The following TSPAN13 variants were observed in gnomAD, a reference collection of about 807,000 sequenced individuals.
The protein encoded by TSPAN13 is tetraspanin 13, also known as tetraspanin-13.
A neutral mutation model predicts 26.9 loss-of-function variants in TSPAN13; 18 were observed. The observed-to-expected ratio is 0.67, with a 90% CI of 0.46 to 0.99. The LOEUF is 0.99. TSPAN13 is among the 50% of genes least tolerant of loss of function. The pLI, the probability that TSPAN13 is intolerant of heterozygous loss-of-function variation, is 0.00. For missense variants in TSPAN13, 201 were observed against 249.6 expected (o/e 0.81, Z 1.31); for synonymous variants, 116 against 98.4 (o/e 1.18, Z -1.06).
At chr7:16,761,454 T>C (rs75373747) in intron 1 of TSPAN13, among the ~76,000 whole-genome samples, 2,835 of 152,290 alleles carry the variant, frequency 0.019, 82 homozygotes, top group African/African-American at 0.064. Flanking sequence ...CAGAAGAGAG[T>C]TCAGTGTTCA....
Position 16,753,863 on chromosome 7 carries a change from C to T in TSPAN13, c.-105C>T. ...CGGCCCCCCACCCACGTCTGCGTTG[C>T]TGCCCCGCCTGGGCCAGGCCCCAAA... On this transcript the variant is annotated 5_prime_UTR_variant, in exon 1 of 6. Transcript: ENST00000262067. 2 of 1,264,906 alleles carry T rather than the reference C, an allele frequency of 1.6e-6. No homozygotes were observed. Among genetic ancestry groups the T allele is most frequent in the Non-Finnish European group, 2.3e-6 (2 of 888,168 alleles). 78.4% of individuals were successfully genotyped at this position (1,264,906 alleles called of 1,614,324 possible).
intron 1 of TSPAN13, among the ~76,000 whole-genome samples, chr7:16,755,557 T>C (rs1784473263): frequency 1.3e-5 from 2 of 151,680 alleles, no homozygotes; most frequent in Admixed American, 1.3e-4. Context: ...TTTTTTTTTT[T>C]TAAATCAGTG....
chr7:16,765,353 C>T lies in TSPAN13; in HGVS notation c.64-10858C>T, dbSNP rs890042337. On this transcript the variant is annotated intron_variant, in intron 1 of 5. Coordinates refer to ENST00000262067, the MANE Select transcript of TSPAN13 (RefSeq NM_014399.4). ...ACCTGGGTTCAAGCAATCCTCCTTC[C>T]TCGGCATCCCAAAGTGCTAGGATTA... Among the ~76,000 whole-genome samples the T allele has an allele frequency of 5.3e-5, 8 of 152,304 alleles. No individual in the cohort carries two copies. The East Asian group carries it at 1.5e-3, about 29-fold the overall frequency.
Position 16,766,517 on chromosome 7 carries a change from T to G in TSPAN13, c.64-9694T>G, listed in dbSNP as rs1045151525. 9.2e-5 allele frequency among the ~76,000 whole-genome samples: 14 copies of G among 152,366 alleles called. No individual in the cohort carries two copies. In the East Asian group the frequency reaches 2.7e-3, roughly 29 times the overall value. ...TGTGATGGACCTAGAGCATTGCCTT[T>G]TGTTACAAACGTGTGGAGAATCAGC... is the stretch of plus-strand genomic sequence containing the variant. On this transcript the variant is annotated intron_variant, in intron 1 of 5. Coordinates refer to ENST00000262067, the MANE Select transcript of TSPAN13 (RefSeq NM_014399.4).
intron 1 of TSPAN13, among the ~76,000 whole-genome samples, chr7:16,773,171 G>T (rs1411239662): frequency 2.0e-5 from 3 of 150,920 alleles, no homozygotes; most frequent in Non-Finnish European, 4.4e-5. Flanking sequence ...TCTTGGGGGG[G>T]GGCGGTTAGC....
chr7:16,784,105 G>C lies in TSPAN13; in HGVS notation c.*614G>C, dbSNP rs1472748713. On this transcript the variant is annotated 3_prime_UTR_variant, in exon 6 of 6. Transcript: ENST00000262067. ...TGTGGTTTAATTTTTGACTTTTACAGGTAAGTGCAAAGGAGAAGTGGTTTC... is the reference window on the plus strand; with the variant it reads ...TGTGGTTTAATTTTTGACTTTTACACGTAAGTGCAAAGGAGAAGTGGTTTC... 1 of 152,582 alleles carries C rather than the reference G, an allele frequency of 6.6e-6. No homozygotes were observed. Among genetic ancestry groups the C allele is most frequent in the African/African-American group, 2.4e-5 (1 of 41,422 alleles). 9.5% of individuals were successfully genotyped at this position (152,582 alleles called of 1,614,324 possible). A position where few individuals can be genotyped will look rare whatever the true frequency, so the allele number is the denominator to read the frequency against.
intron 1 of TSPAN13, among the ~76,000 whole-genome samples, chr7:16,773,447 GTTT>G (rs558257368): frequency 1.2e-4 from 19 of 152,016 alleles, no homozygotes; most frequent in Non-Finnish European, 1.9e-4. Context: ...CTGCTCATTT[GTTT>G]ACATATTGTC....
chr7:16,778,020 T>C lies in TSPAN13; in HGVS notation c.426+109T>C, dbSNP rs193232884. ...CTGAATTGTATTTTCAGGATTATTT[T>C]ATGTATATATTTACATTATATTTCC... On this transcript the variant is annotated intron_variant, in intron 4 of 5. Transcript: ENST00000262067. 1.9e-4 allele frequency: 148 copies of C among 762,966 alleles called. No individual in the cohort carries two copies. In the East Asian group the frequency reaches 4.0e-3, roughly 21 times the overall value. The allele number at this position is 762,966 out of a possible 1,614,324, so 47.3% of individuals were successfully genotyped here.
rs531644339 is a variant in TSPAN13, at chr7:16,778,366, AAC to A, written c.426+460_426+461del. Among the ~76,000 whole-genome samples, 425 of 152,364 alleles carry A rather than the reference AAC, an allele frequency of 2.8e-3. 4 individuals carry two copies. The highest frequency in any genetic ancestry group is 9.6e-3 in the African/African-American group (398 of 41,576). On this transcript the variant is annotated intron_variant, in intron 4 of 5. Transcript: ENST00000262067. Reference sequence around the variant, plus strand: ...TAACACATTATTACACAGCAATAGAAACACACTGGCTTTAAATATCCATTTAG... The same window carrying A: ...TAACACATTATTACACAGCAATAGAAACACTGGCTTTAAATATCCATTTAG...
chr7:16,780,120 G>C (rs1784799172), intron 5 of TSPAN13, among the ~76,000 whole-genome samples: 1 of 151,680 alleles, frequency 6.6e-6, no homozygotes, highest in Non-Finnish European at 1.5e-5. Context: ...TTTATTTTGA[G>C]ACAGAGTCTT....
At chr7:16,771,438 TGAA>T (rs1784678743) in intron 1 of TSPAN13, among the ~76,000 whole-genome samples, 1 of 152,216 alleles carries the variant, frequency 6.6e-6, no homozygotes, top group African/African-American at 2.4e-5. Flanking sequence ...TGTGATTAAA[TGAA>T]GAATCTTGAG....
chr7:16,776,288 C>A lies in TSPAN13; in HGVS notation c.141C>A (p.Gly47=), dbSNP rs766873978. The A allele has an allele frequency of 2.7e-5, 44 of 1,613,816 alleles. No individual in the cohort carries two copies. Among genetic ancestry groups the A allele is most frequent in the Non-Finnish European group, 3.7e-5 (44 of 1,179,984 alleles). ...FGLISSLRVV[G]VVIAVGIFLF... ...TGATTTCCAGTCTCCGAGTGGTCGG[C>A]GTGGTCATTGCAGTGGGCATCTTCT... Residue 47 remains glycine, a synonymous_variant, in exon 2 of 6, where the codon GGC becomes GGA. Coordinates refer to ENST00000262067, the MANE Select transcript of TSPAN13 (RefSeq NM_014399.4).
At chr7:16,766,287 A>T (rs1165019864) in intron 1 of TSPAN13, among the ~76,000 whole-genome samples, 1 of 152,194 alleles carries the variant, frequency 6.6e-6, no homozygotes, top group East Asian at 1.9e-4. Flanking sequence ...CAAGTTTATG[A>T]TGTACAGTTT....
chr7:16,781,716 G>C (rs1562522071), intron 5 of TSPAN13, among the ~76,000 whole-genome samples: 1 of 152,274 alleles, frequency 6.6e-6, no homozygotes, highest in East Asian at 1.9e-4. Context: ...ATATCCAGGG[G>C]TGATAGTCAA....
chr7:16,759,588 C>T (rs1016273633), intron 1 of TSPAN13, among the ~76,000 whole-genome samples: 2 of 152,074 alleles, frequency 1.3e-5, no homozygotes, highest in Non-Finnish European at 1.5e-5. Context: ...ATCAAAAGGC[C>T]TAAAGGAGAT....
chr7:16,771,644 C>T (rs371022779), intron 1 of TSPAN13, among the ~76,000 whole-genome samples: 6 of 152,190 alleles, frequency 3.9e-5, no homozygotes, highest in African/African-American at 1.2e-4. Flanking sequence ...AGAAACTAGA[C>T]GAAGCAAGGA....
chr7:16,764,961 A>G (rs916218397), intron 1 of TSPAN13, among the ~76,000 whole-genome samples: 7 of 150,222 alleles, frequency 4.7e-5, no homozygotes, highest in African/African-American at 1.5e-4. Flanking sequence ...AGGTCTTGCT[A>G]TGTTGCTCAG....
In TSPAN13 at chr7:16,783,670, G is replaced by GA. The variant is rs1280891085; in HGVS notation, c.*184dup. ...TACATGTTTTTTTCTTTCCGTTGCTGAAAAATATTTGAAACTTGTGGTCTC... is the reference window on the plus strand; with the variant it reads ...TACATGTTTTTTTCTTTCCGTTGCTGAAAAAATATTTGAAACTTGTGGTCTC... On this transcript the variant is annotated 3_prime_UTR_variant, in exon 6 of 6. Coordinates refer to ENST00000262067, the MANE Select transcript of TSPAN13 (RefSeq NM_014399.4). The GA allele has an allele frequency of 3.2e-6, 2 of 633,754 alleles. No homozygotes were observed. Among genetic ancestry groups the GA allele is most frequent in the African/African-American group, 1.8e-5 (1 of 54,730 alleles). 39.3% of individuals were successfully genotyped at this position (633,754 alleles called of 1,614,324 possible).
chr7:16,775,621 A>G (rs1784733524), intron 1 of TSPAN13: 2 of 152,144 alleles, frequency 1.3e-5, no homozygotes, highest in Admixed American at 6.5e-5. Context: ...GCCAGGTGAA[A>G]AGATGTGGGT....
Sources: allele counts gnomAD v4.1 joint callset (sites outside exome capture counted in the v4.1 genomes callset), GRCh38; gene constraint gnomAD v4.1.1; transcripts MANE v1.5; gene names NCBI Gene and HGNC (gene_info 2026-07-23, HGNC 2026-07-21).